Variants in KAZN observed in about 807,000 individuals in gnomAD.
KAZN encodes kazrin, periplakin interacting protein.
Under a neutral mutation model 87.4 loss-of-function variants are expected in KAZN, and 40 were observed. That is an observed-to-expected ratio of 0.46 (90% CI 0.36 to 0.60). KAZN has a LOEUF of 0.60. KAZN is among the 20% of genes least tolerant of loss of function. The pLI, the probability that KAZN is intolerant of heterozygous loss-of-function variation, is 0.00. For synonymous variants in KAZN, 466 were observed against 458.3 expected (o/e 1.02, Z -0.22); for missense variants, 898 against 1,073.9 (o/e 0.84, Z 2.29).
intron 1 of KAZN, among the ~76,000 whole-genome samples, chr1:14,112,928 T>C (rs10928012): frequency 0.29 from 43,953 of 152,162 alleles, 6,778 homozygotes; most frequent in East Asian, 0.55. Flanking sequence ...TTCAAAGTGC[T>C]GTGCGGAAGA....
intron 1 of KAZN, among the ~76,000 whole-genome samples, chr1:14,655,572 C>G (rs1638740171): frequency 6.6e-6 from 1 of 152,148 alleles, no homozygotes; most frequent in African/African-American, 2.4e-5. Flanking sequence ...CCTTCTCCAG[C>G]AAGTGCTTGG....
intron 1 of KAZN, among the ~76,000 whole-genome samples, chr1:14,931,618 C>T (rs1346607911): frequency 2.0e-5 from 3 of 152,158 alleles, no homozygotes; most frequent in East Asian, 1.9e-4. Flanking sequence ...CCTCCTCCCC[C>T]GCCAGGAATC....
chr1:14,508,243 G>A (rs1401503929), intron 2 of KAZN, among the ~76,000 whole-genome samples: 1 of 152,192 alleles, frequency 6.6e-6, no homozygotes, highest in African/African-American at 2.4e-5. Context: ...AGAAGAGATA[G>A]TTCTGGGCTC....
At chr1:14,023,787 G>A (rs908157737) in intron 1 of KAZN, among the ~76,000 whole-genome samples, 1 of 152,164 alleles carries the variant, frequency 6.6e-6, no homozygotes, top group South Asian at 2.1e-4. Context: ...GTGAGGATGA[G>A]TTCCGGCTCT....
At chr1:14,484,927 C>A (rs1021737531) in intron 2 of KAZN, among the ~76,000 whole-genome samples, 2 of 152,158 alleles carry the variant, frequency 1.3e-5, no homozygotes, top group African/African-American at 4.8e-5. Flanking sequence ...CTCATAGCCT[C>A]GGCCAAAGCA....
At chr1:14,969,580 G>A (rs1031172808) in intron 2 of KAZN, among the ~76,000 whole-genome samples, 8 of 152,110 alleles carry the variant, frequency 5.3e-5, no homozygotes, top group South Asian at 2.1e-4. Flanking sequence ...ACATACTACC[G>A]GCTGCTTTTA....
In KAZN at chr1:13,981,093, A is replaced by ATATATATG. The variant is rs1553181083; in HGVS notation, c.91+87344_91+87345insGTATATAT. Among the ~76,000 whole-genome samples the ATATATATG allele has an allele frequency of 7.0e-3, 546 of 78,156 alleles. 55 individuals are homozygous for ATATATATG. Among genetic ancestry groups the ATATATATG allele is most frequent in the Admixed American group, 0.013 (82 of 6,182 alleles). 51.3% of individuals were successfully genotyped at this position (78,156 alleles called of 152,430 possible). ...AGAGGTATAAAAAATTACTCTTTATATATATATATATATATATGTATATAT... is the reference window on the plus strand; with the variant it reads ...AGAGGTATAAAAAATTACTCTTTATATATATATGTATATATATATATATATGTATATAT... On this transcript the variant is annotated intron_variant, in intron 1 of 16. Coordinates refer to the KAZN transcript ENST00000636203.
chr1:14,978,414 G>T (rs1432103253), intron 2 of KAZN, among the ~76,000 whole-genome samples: 1 of 152,190 alleles, frequency 6.6e-6, no homozygotes, highest in Admixed American at 6.5e-5. Flanking sequence ...ATGTGATGGT[G>T]GGGAGGAGGG....
At chr1:14,830,495 G>T (rs1647022208) in intron 1 of KAZN, among the ~76,000 whole-genome samples, 1 of 152,132 alleles carries the variant, frequency 6.6e-6, no homozygotes, top group Non-Finnish European at 1.5e-5. Flanking sequence ...TCACACTGTT[G>T]TAAAGAACTA....
In KAZN at chr1:14,598,949, T is replaced by A; in HGVS notation, c.-49T>A. ...TGCCCGGCCGCGCGCCCCCCGCGCATCATGCAGCTCTTTGTCACCTCTCTC... is the reference window on the plus strand; with the variant it reads ...TGCCCGGCCGCGCGCCCCCCGCGCAACATGCAGCTCTTTGTCACCTCTCTC... On this transcript the variant is annotated 5_prime_UTR_variant, in exon 1 of 15. Coordinates refer to ENST00000376030, the MANE Select transcript of KAZN (RefSeq NM_201628.3). The surrounding 1 kb of genome is among the most constrained non-coding windows in gnomAD (Gnocchi z 4.2). The A allele has an allele frequency of 6.4e-7, 1 of 1,557,898 alleles. No individual in the cohort carries two copies. Among genetic ancestry groups the A allele is most frequent in the Non-Finnish European group, 8.6e-7 (1 of 1,156,214 alleles).
At chr1:14,305,148 T>A (rs1378010266) in intron 2 of KAZN, among the ~76,000 whole-genome samples, 1 of 152,266 alleles carries the variant, frequency 6.6e-6, no homozygotes, top group East Asian at 1.9e-4. Context: ...GAATTCAGCA[T>A]TCCTAGCTAG....
chr1:14,913,597 A>G lies in KAZN; in HGVS notation c.227-47087A>G, dbSNP rs543244482. Among the ~76,000 whole-genome samples, 13 of 152,242 alleles carry G rather than the reference A, an allele frequency of 8.5e-5. No individual in the cohort carries two copies. In the South Asian group the frequency reaches 2.7e-3, roughly 32 times the overall value. On this transcript the variant is annotated intron_variant, in intron 1 of 14. Transcript: ENST00000376030. ...GACTTTCTGATGTCCAGAGTACAGA[A>G]CTCTCTGCCTTACTGTCTGGGCTTG... is the stretch of plus-strand genomic sequence containing the variant.
At chr1:14,049,056 G>C (rs979591892) in intron 1 of KAZN, among the ~76,000 whole-genome samples, 6 of 152,040 alleles carry the variant, frequency 3.9e-5, no homozygotes, top group African/African-American at 1.5e-4. Flanking sequence ...CAAAGACTTG[G>C]AACCAACCCA....
chr1:13,990,811 G>A (rs1639245607), intron 1 of KAZN, among the ~76,000 whole-genome samples: 1 of 152,188 alleles, frequency 6.6e-6, no homozygotes, highest in African/African-American at 2.4e-5. Context: ...ATATACCTGC[G>A]ATAAAGCAAG....
At chr1:14,253,847 G>A (rs566205502) in intron 2 of KAZN, among the ~76,000 whole-genome samples, 1 of 151,682 alleles carries the variant, frequency 6.6e-6, no homozygotes, top group East Asian at 2.0e-4. Flanking sequence ...AGATATTCAT[G>A]TCGCAGATGT....
At chr1:14,843,275 A>T (rs1276152041) in intron 1 of KAZN, among the ~76,000 whole-genome samples, 1 of 152,200 alleles carries the variant, frequency 6.6e-6, no homozygotes, top group Non-Finnish European at 1.5e-5. Context: ...AAAGAAACAA[A>T]TAAAGGTTTG....
At chr1:14,689,187 T>G (rs1641136213) in intron 1 of KAZN, among the ~76,000 whole-genome samples, 1 of 147,750 alleles carries the variant, frequency 6.8e-6, no homozygotes, top group East Asian at 2.0e-4. Flanking sequence ...AGAGTCAGAC[T>G]CTGTCTCAAA....
intron 3 of KAZN, among the ~76,000 whole-genome samples, chr1:15,035,206 G>T (rs1454420997): frequency 6.6e-6 from 1 of 152,188 alleles, no homozygotes; most frequent in Non-Finnish European, 1.5e-5. Flanking sequence ...GGTGATTGTG[G>T]TGGACCTTTC....
intron 2 of KAZN, among the ~76,000 whole-genome samples, chr1:15,029,786 A>G (rs1671504147): frequency 6.6e-6 from 1 of 152,212 alleles, no homozygotes; most frequent in African/African-American, 2.4e-5. Context: ...CCAACCAGAA[A>G]GCAGAGGCAT....
Sources: allele counts gnomAD v4.1 joint callset (sites outside exome capture counted in the v4.1 genomes callset), GRCh38; gene constraint gnomAD v4.1.1; non-coding constraint Gnocchi (gnomAD v3.1); transcripts MANE v1.5; gene names NCBI Gene and HGNC (gene_info 2026-07-23, HGNC 2026-07-21).